KCNIP4: variants seen among roughly 807,000 people sequenced by gnomAD.
KCNIP4 encodes the protein Kv channel-interacting protein 4.
In KCNIP4, 12 loss-of-function variants were observed where a neutral mutation model predicts 34.0. The ratio of observed to expected loss-of-function variants is 0.35; its 90% confidence interval spans 0.23 to 0.57. The LOEUF (loss-of-function observed/expected upper bound fraction) is 0.57, where lower values mean the gene tolerates loss of function less well. Among genes scored for constraint, KCNIP4 ranks in the 20% least tolerant of loss-of-function variants. The pLI is 0.83. For synonymous variants in KCNIP4, 124 were observed against 102.2 expected (o/e 1.21, Z -1.29); for missense variants, 238 against 311.7 (o/e 0.76, Z 1.78).
At chr4:21,104,616 A>G (rs1378659574) in intron 1 of KCNIP4, among the ~76,000 whole-genome samples, 3 of 152,010 alleles carry the variant, frequency 2.0e-5, no homozygotes, top group Admixed American at 6.5e-5. Context: ...CCATTTGTCA[A>G]TTTTGGCTTT....
chr4:20,821,532 C>A (rs1560490537), intron 3 of KCNIP4, among the ~76,000 whole-genome samples: 1 of 152,028 alleles, frequency 6.6e-6, no homozygotes, highest in Non-Finnish European at 1.5e-5. Flanking sequence ...TTTTTTGTTA[C>A]ATGGATAAGC....
At chr4:20,903,275 C>T (rs969519039) in intron 1 of KCNIP4, among the ~76,000 whole-genome samples, 1 of 152,182 alleles carries the variant, frequency 6.6e-6, no homozygotes, top group Non-Finnish European at 1.5e-5. Flanking sequence ...TGAACAGCAA[C>T]CCTATGTCTT....
intron 1 of KCNIP4, among the ~76,000 whole-genome samples, chr4:21,419,667 G>T (rs923896191): frequency 6.6e-5 from 10 of 152,086 alleles, no homozygotes; most frequent in African/African-American, 2.4e-4. Flanking sequence ...TTAAAAAGCA[G>T]TAAAGCATAG....
intron 1 of KCNIP4, among the ~76,000 whole-genome samples, chr4:21,720,697 C>G (rs1714766231): frequency 7.3e-6 from 1 of 137,718 alleles, no homozygotes; most frequent in Non-Finnish European, 1.5e-5. Context: ...CACCCCACAA[C>G]AGGCCCCAGT....
In KCNIP4 at chr4:21,660,564, G is replaced by A. The variant is rs570225790; in HGVS notation, c.61+288007C>T. The stretch of plus-strand genomic sequence containing the variant: ...AAAGACAAGAGTAAGTGCAGCTCAG[G>A]GGAATTTCAATAGTAGACTAACATG... On this transcript the variant is annotated intron_variant, in intron 1 of 8. Transcript: ENST00000382152. Among the ~76,000 whole-genome samples, 6 of 152,160 alleles carry A rather than the reference G, an allele frequency of 3.9e-5. No individual in the cohort carries two copies. In the South Asian group the frequency reaches 1.2e-3, roughly 32 times the overall value.
At chr4:21,266,310 T>C (rs1761804974) in intron 1 of KCNIP4, among the ~76,000 whole-genome samples, 1 of 152,154 alleles carries the variant, frequency 6.6e-6, no homozygotes, top group African/African-American at 2.4e-5. Flanking sequence ...AAATTATCCT[T>C]CTCACTTTTC....
At chr4:20,841,929 G>C (rs183870035) in intron 3 of KCNIP4, among the ~76,000 whole-genome samples, 132 of 151,872 alleles carry the variant, frequency 8.7e-4, no homozygotes, top group East Asian at 7.8e-4. Context: ...TCCCATGGCC[G>C]TGCCCTTCTT....
chr4:21,701,548 A>G (rs1242027013), intron 1 of KCNIP4, among the ~76,000 whole-genome samples: 1 of 152,156 alleles, frequency 6.6e-6, no homozygotes, highest in Non-Finnish European at 1.5e-5. Context: ...GCCAATTAAA[A>G]ACTTAAAAAT....
At chr4:21,906,120 A>G (rs1727988322) in intron 1 of KCNIP4, among the ~76,000 whole-genome samples, 1 of 152,212 alleles carries the variant, frequency 6.6e-6, no homozygotes, top group Non-Finnish European at 1.5e-5. Flanking sequence ...GTTAAGTGGC[A>G]GAAACTATAT....
chr4:21,812,172 A>G (rs993106659), intron 1 of KCNIP4, among the ~76,000 whole-genome samples: 1 of 152,238 alleles, frequency 6.6e-6, no homozygotes, highest in African/African-American at 2.4e-5. Flanking sequence ...TTTATTTTAG[A>G]TTATCATCAT....
chr4:21,876,930 T>C (rs1311552301), intron 1 of KCNIP4, among the ~76,000 whole-genome samples: 2 of 151,814 alleles, frequency 1.3e-5, no homozygotes, highest in Non-Finnish European at 2.9e-5. Flanking sequence ...GTCCATCTGC[T>C]AGTGGCCAGA....
chr4:21,859,627 C>CA lies in KCNIP4; in HGVS notation c.61+88943dup, dbSNP rs11362553. Among the ~76,000 whole-genome samples the CA allele has an allele frequency of 2.9e-3, 413 of 141,538 alleles. 1 individual carries two copies. Among genetic ancestry groups the CA allele is most frequent in the African/African-American group, 9.2e-3 (342 of 37,222 alleles). The allele number at this position is 141,538 out of a possible 152,430, so 92.9% of individuals were successfully genotyped here. ...TGGGCGACAGAGCAAGACTCCATTT[C>CA]AAAAAAAAAAAAGGAATAGTGCTCT... On this transcript the variant is annotated intron_variant, in intron 1 of 8. Coordinates refer to ENST00000382152, the MANE Select transcript of KCNIP4 (RefSeq NM_025221.6).
chr4:20,818,931 T>G (rs1716760028), intron 3 of KCNIP4, among the ~76,000 whole-genome samples: 1 of 145,688 alleles, frequency 6.9e-6, no homozygotes, highest in South Asian at 2.2e-4. Flanking sequence ...TTTTTTTTTT[T>G]TTTTTTTTTT....
intron 1 of KCNIP4, among the ~76,000 whole-genome samples, chr4:21,071,828 T>G (rs919132181): frequency 6.6e-6 from 1 of 152,146 alleles, no homozygotes; most frequent in African/African-American, 2.4e-5. Context: ...GTGTGTGATG[T>G]TCCCCTTCCT....
At chr4:20,827,060 T>C (rs983173479) in intron 3 of KCNIP4, among the ~76,000 whole-genome samples, 3 of 152,182 alleles carry the variant, frequency 2.0e-5, no homozygotes, top group Admixed American at 1.3e-4. Context: ...TTATTGCCTT[T>C]GATCAACAGA....
intron 1 of KCNIP4, among the ~76,000 whole-genome samples, chr4:21,103,066 G>A (rs1426673974): frequency 6.6e-6 from 1 of 151,884 alleles, no homozygotes; most frequent in Non-Finnish European, 1.5e-5. Context: ...AGTTTTACTG[G>A]TAGGGCTTTT....
At chr4:21,024,956 C>T in intron 1 of KCNIP4, among the ~76,000 whole-genome samples, 1 of 152,210 alleles carries the variant, frequency 6.6e-6, no homozygotes, top group Non-Finnish European at 1.5e-5. Context: ...AAGTGATCAT[C>T]TTATTTTATG....
chr4:20,868,717 C>G (rs963230371), intron 2 of KCNIP4, among the ~76,000 whole-genome samples: 10 of 152,172 alleles, frequency 6.6e-5, no homozygotes, highest in Admixed American at 4.6e-4. Flanking sequence ...AAGCCATAAT[C>G]CCAAGCAAAT....
At position 20,809,445 on chromosome 4, in the gene KCNIP4, G is replaced by A. The variant is rs542494603; in HGVS notation, c.288+41098C>T. Among the ~76,000 whole-genome samples the A allele has an allele frequency of 9.5e-4, 145 of 152,252 alleles. 1 individual carries two copies. The highest frequency in any genetic ancestry group is 9.2e-3 in the Admixed American group (141 of 15,288). ...GAGAGGTCATAACACACGATATAAA[G>A]TGCAAGGTTAATAATGGAGAATGTC... On this transcript the variant is annotated intron_variant, in intron 3 of 8. Transcript: ENST00000382152.
Sources: gnomAD v4.1 joint callset for allele counts (sites outside exome capture counted in the v4.1 genomes callset) on GRCh38, gnomAD v4.1.1 for gene constraint, MANE v1.5 for transcripts, NCBI Gene and HGNC (gene_info 2026-07-23, HGNC 2026-07-21) for gene names.